ZNF600: variants seen among roughly 807,000 people sequenced by gnomAD.
ZNF600 encodes the protein zinc finger protein KR-ZNF1.
A neutral mutation model predicts 7.3 loss-of-function variants in ZNF600; 4 were observed. That is an observed-to-expected ratio of 0.55 (90% CI 0.27 to 1.25). The LOEUF (loss-of-function observed/expected upper bound fraction) is 1.25, where lower values mean the gene tolerates loss of function less well. Among genes scored for constraint, ZNF600 ranks in the 50% most tolerant of loss-of-function variants. ZNF600 has a pLI of 0.12. For synonymous variants in ZNF600, 290 were observed against 308.9 expected (o/e 0.94, Z 0.64); for missense variants, 911 against 922.1 (o/e 0.99, Z 0.16).
the ZNF600 span, among the ~76,000 whole-genome samples, chr19:52,806,837 G>A: frequency 2.6e-5 from 4 of 152,126 alleles, no homozygotes; most frequent in East Asian, 5.8e-4. Context: ...AGGAGGCAGA[G>A]GCTGCAGTTA....
chr19:52,798,280 G>A, the ZNF600 span: 4 of 197,160 alleles, frequency 2.0e-5, no homozygotes, highest in South Asian at 1.7e-4. Flanking sequence ...CATTGCAGGC[G>A]TGAGCCACAG....
At chr19:52,802,158 A>C in the ZNF600 span, among the ~76,000 whole-genome samples, 1 of 152,250 alleles carries the variant, frequency 6.6e-6, no homozygotes, top group Admixed American at 6.5e-5. Context: ...AACCAAAATC[A>C]ATGGAAATTC....
At chr19:52,826,927 G>C in the ZNF600 span, among the ~76,000 whole-genome samples, 3 of 152,046 alleles carry the variant, frequency 2.0e-5, no homozygotes, top group Non-Finnish European at 2.9e-5. Flanking sequence ...CAGGCTGGCT[G>C]TCTCATATCT....
exon 4 of ZNF600, chr19:52,767,487 C>T: frequency 6.2e-7 from 1 of 1,614,134 alleles, no homozygotes; most frequent in Non-Finnish European, 8.5e-7. Flanking sequence ...TGAATAAAAG[C>T]TTGATCCAAG....
At chr19:52,787,831 G>C (rs2062778135), upstream of ZNF600, among the ~76,000 whole-genome samples, 1 of 143,844 alleles carries the variant, frequency 7.0e-6, no homozygotes. Flanking sequence ...CTGCACTCCA[G>C]CCTGGGCGAC....
chr19:52,793,209 G>A, the ZNF600 span, among the ~76,000 whole-genome samples: 3 of 152,176 alleles, frequency 2.0e-5, no homozygotes, highest in Non-Finnish European at 4.4e-5. Flanking sequence ...ACTGATTGAT[G>A]TCTCACGTCT....
the ZNF600 span, among the ~76,000 whole-genome samples, chr19:52,819,500 T>C: frequency 2.5e-5 from 2 of 80,162 alleles, 1 homozygote; most frequent in African/African-American, 9.2e-5. Flanking sequence ...ACACCCACTC[T>C]ATTTTGCCAA....
the ZNF600 span, among the ~76,000 whole-genome samples, chr19:52,813,359 C>T: frequency 2.0e-5 from 3 of 149,644 alleles, no homozygotes; most frequent in African/African-American, 7.3e-5. Context: ...GGGAGTGGGG[C>T]AGGGGGCGGC....
At chr19:52,801,766 GTAAATA>G in the ZNF600 span, 1 of 1,417,550 alleles carries the variant, frequency 7.1e-7, no homozygotes, top group Non-Finnish European at 9.6e-7. Flanking sequence ...ACTGAAATGT[GTAAATA>G]TGACACAAAA....
chr19:52,770,661 A>C (rs2062623276), intron 3 of ZNF600, among the ~76,000 whole-genome samples: 1 of 152,304 alleles, frequency 6.6e-6, no homozygotes, highest in Middle Eastern at 3.4e-3. Flanking sequence ...GCACAATAAG[A>C]ACAAAAAATA....
the ZNF600 span, chr19:52,801,573 T>G: frequency 6.2e-7 from 1 of 1,614,214 alleles, no homozygotes; most frequent in Non-Finnish European, 8.5e-7. Context: ...AATGTCTTTC[T>G]CAATTTTCTG....
chr19:52,792,169 C>T, the ZNF600 span, among the ~76,000 whole-genome samples: 4 of 152,216 alleles, frequency 2.6e-5, no homozygotes, highest in East Asian at 7.7e-4. Context: ...CCCTTGGGGC[C>T]TTCTTCTCAC....
At chr19:52,808,153 T>A in the ZNF600 span, 1 of 1,611,854 alleles carries the variant, frequency 6.2e-7, no homozygotes, top group Non-Finnish European at 8.5e-7. Flanking sequence ...AAACACATTT[T>A]AACCAAATGG....
the ZNF600 span, among the ~76,000 whole-genome samples, chr19:52,822,272 A>G: frequency 1.3e-5 from 2 of 151,758 alleles, no homozygotes; most frequent in African/African-American, 4.8e-5. Context: ...GGATTTCGCC[A>G]TGTTGGACAG....
chr19:52,827,627 T>C, the ZNF600 span, among the ~76,000 whole-genome samples: 3 of 151,712 alleles, frequency 2.0e-5, no homozygotes, highest in Non-Finnish European at 4.4e-5. Flanking sequence ...TCACTGCAAG[T>C]TCCGCCTCCC....
chr19:52,793,974 T>C, the ZNF600 span, among the ~76,000 whole-genome samples: 2 of 152,170 alleles, frequency 1.3e-5, no homozygotes, highest in African/African-American at 4.8e-5. Context: ...GTCACCCTCA[T>C]CTGAGACGTG....
At chr19:52,808,391 T>G in the ZNF600 span, among the ~76,000 whole-genome samples, 7 of 152,166 alleles carry the variant, frequency 4.6e-5, no homozygotes, top group Non-Finnish European at 7.3e-5. Context: ...TATAAAAATG[T>G]TTGAAACTTT....
chr19:52,795,808 C>T, the ZNF600 span, among the ~76,000 whole-genome samples: 4 of 151,876 alleles, frequency 2.6e-5, no homozygotes, highest in South Asian at 4.1e-4. Flanking sequence ...TCTGGTGATC[C>T]GCCTGTTGTG....
the ZNF600 span, among the ~76,000 whole-genome samples, chr19:52,831,578 C>T: frequency 6.6e-6 from 1 of 151,972 alleles, no homozygotes; most frequent in Non-Finnish European, 1.5e-5. Flanking sequence ...TCTCGGCTCA[C>T]TGCAAGCTCC....
Sources: gnomAD v4.1 joint callset for allele counts (sites outside exome capture counted in the v4.1 genomes callset) on GRCh38, gnomAD v4.1.1 for gene constraint, MANE v1.5 for transcripts, NCBI Gene and HGNC (gene_info 2026-07-23, HGNC 2026-07-21) for gene names.